KCNQ1: variants seen among roughly 807,000 people sequenced by gnomAD.
KCNQ1 encodes the protein potassium voltage-gated channel subfamily Q member 1, also known as potassium voltage-gated channel subfamily KQT member 1.
In KCNQ1, 49 loss-of-function variants were observed where a neutral mutation model predicts 72.4. That is an observed-to-expected ratio of 0.68 (90% CI 0.54 to 0.86). KCNQ1 has a LOEUF of 0.86. Ranked by LOEUF, KCNQ1 falls within the 40% of genes least tolerant of loss-of-function variation. KCNQ1 has a pLI of 0.00. For synonymous variants in KCNQ1, 450 were observed against 412.6 expected (o/e 1.09, Z -1.10); for missense variants, 790 against 945.1 (o/e 0.84, Z 2.15).
intron 15 of KCNQ1, chr11:2,840,468 A>AAATC (rs1848184231): frequency 6.6e-6 from 1 of 152,158 alleles, no homozygotes; most frequent in Non-Finnish European, 1.5e-5. Context: ...TGTAGGTCAG[A>AAATC]AATCAATCCC....
intron 1 of KCNQ1, among the ~76,000 whole-genome samples, chr11:2,448,333 C>T (rs1846074771): frequency 6.6e-6 from 1 of 152,236 alleles, no homozygotes; most frequent in South Asian, 2.1e-4. Context: ...ACAGCCTTGG[C>T]TTTCCCTGTT....
chr11:2,686,390 CA>C, intron 11 of KCNQ1: 1 of 398,702 alleles, frequency 2.5e-6, no homozygotes, highest in Admixed American at 4.4e-5. Context: ...CAGGGTACCC[CA>C]ACCCCTGACT....
intron 1 of KCNQ1, among the ~76,000 whole-genome samples, chr11:2,503,000 A>G (rs1847041845): frequency 1.3e-5 from 2 of 152,220 alleles, no homozygotes; most frequent in African/African-American, 4.8e-5. Context: ...GAATGAAACT[A>G]GACCCCTATC....
chr11:2,586,237 G>A (rs529183250), intron 8 of KCNQ1, among the ~76,000 whole-genome samples: 56 of 152,292 alleles, frequency 3.7e-4, no homozygotes, highest in African/African-American at 1.2e-3. Flanking sequence ...GCTGGCTGGC[G>A]TCCCCCCTGC....
chr11:2,605,979 T>C (rs1848872472), intron 10 of KCNQ1, among the ~76,000 whole-genome samples: 3 of 152,260 alleles, frequency 2.0e-5, no homozygotes, highest in Admixed American at 2.0e-4. Context: ...TTTCAGAGGA[T>C]AAGTTTTGTA....
chr11:2,609,533 G>C (rs1020665578), intron 10 of KCNQ1: 3 of 398,124 alleles, frequency 7.5e-6, no homozygotes, highest in African/African-American at 2.1e-5. Flanking sequence ...ATTACCTTTT[G>C]AGTCTAGTTG....
intron 1 of KCNQ1, among the ~76,000 whole-genome samples, chr11:2,506,317 T>A (rs1847105176): frequency 6.6e-6 from 1 of 152,242 alleles, no homozygotes; most frequent in South Asian, 2.1e-4. Flanking sequence ...ACGTGAACTT[T>A]TTGAATTTGC....
At chr11:2,629,051 C>CTA in intron 10 of KCNQ1, 3 of 398,152 alleles carry the variant, frequency 7.5e-6, no homozygotes, top group Non-Finnish European at 1.3e-5. Flanking sequence ...TCTTATTGCT[C>CTA]AAGTATGCTT....
rs1848231913 is a variant in KCNQ1 at position 2,565,304 on chromosome 11, G to A, written c.478-5324G>A. Among the ~76,000 whole-genome samples, 1 of 152,068 alleles carries A rather than the reference G, an allele frequency of 6.6e-6. No homozygotes were observed. The highest frequency in any genetic ancestry group is 1.5e-5 in the Non-Finnish European group (1 of 68,016). On this transcript the variant is annotated intron_variant, in intron 2 of 15. Coordinates refer to ENST00000155840, the MANE Select transcript of KCNQ1 (RefSeq NM_000218.3). The surrounding 1 kb of genome is among the most constrained non-coding windows in gnomAD (Gnocchi z 5.6). Reference sequence around the variant, plus strand: ...AGCACTTGTCACTCTGTTTGGGGTGGCAGCCACCCTAATGGATGAGAGGTG... The same window carrying A: ...AGCACTTGTCACTCTGTTTGGGGTGACAGCCACCCTAATGGATGAGAGGTG...
rs911717090 is a variant in KCNQ1 at position 2,642,808 on chromosome 11, A to G, written c.1394-19153A>G. 1 of 397,814 alleles carries G rather than the reference A, an allele frequency of 2.5e-6. No homozygotes were observed. Among genetic ancestry groups the G allele is most frequent in the Non-Finnish European group, 4.4e-6 (1 of 225,682 alleles). The allele number at this position is 397,814 out of a possible 1,614,324, so 24.6% of individuals were successfully genotyped here. A position where few individuals can be genotyped will look rare whatever the true frequency, so the allele number is the denominator to read the frequency against. On this transcript the variant is annotated intron_variant, in intron 10 of 15. Coordinates refer to ENST00000155840, the MANE Select transcript of KCNQ1 (RefSeq NM_000218.3). This position sits in a 1 kb window ranked among gnomAD's most constrained non-coding sequence, Gnocchi z 4.3. The stretch of plus-strand genomic sequence containing the variant: ...TTAATGGAGGCATTTATTACAATAA[A>G]CTTTCCTCTTAGCATTGCTTTTGCA...
At position 2,752,738 on chromosome 11, in the gene KCNQ1, T is replaced by A. The variant is rs539340133; in HGVS notation, c.1515-16106T>A. Among the ~76,000 whole-genome samples, 7 of 152,192 alleles carry A rather than the reference T, an allele frequency of 4.6e-5. No homozygotes were observed. Among genetic ancestry groups the A allele is most frequent in the African/African-American group, 1.7e-4 (7 of 41,448 alleles). ...CGCCATCTCCTAACACCATCAGGGCTGCGGGTTAGCTTTCGACATAGGGAC... is the reference window on the plus strand; with the variant it reads ...CGCCATCTCCTAACACCATCAGGGCAGCGGGTTAGCTTTCGACATAGGGAC... On this transcript the variant is annotated intron_variant, in intron 11 of 15. Coordinates refer to ENST00000155840, the MANE Select transcript of KCNQ1 (RefSeq NM_000218.3). The surrounding 1 kb of genome is among the most constrained non-coding windows in gnomAD (Gnocchi z 5.2).
chr11:2,624,113 A>G lies in KCNQ1; in HGVS notation c.1393+35259A>G, dbSNP rs1395001310. The G allele has an allele frequency of 2.5e-6, 1 of 398,462 alleles. No individual in the cohort carries two copies. The allele number at this position is 398,462 out of a possible 1,614,324, so 24.7% of individuals were successfully genotyped here. A position where few individuals can be genotyped will look rare whatever the true frequency, so the allele number is the denominator to read the frequency against. On this transcript the variant is annotated intron_variant, in intron 10 of 15. Transcript: ENST00000155840. This position sits in a 1 kb window ranked among gnomAD's most constrained non-coding sequence, Gnocchi z 4.9. ...AGTGTTTTGAATTTTGGCCATTCTA[A>G]TAAGCGTGTAGATATATCACATTTC...
At chr11:2,675,205 C>T (rs1850270837) in intron 11 of KCNQ1, 1 of 398,476 alleles carries the variant, frequency 2.5e-6, no homozygotes, top group Non-Finnish European at 4.4e-6. Flanking sequence ...AATATTGTGT[C>T]ATTTCCCCAG....
rs542660240 is a variant in KCNQ1, at chr11:2,482,389, G to A, written c.386+36905G>A. 2.6e-5 allele frequency among the ~76,000 whole-genome samples: 4 copies of A among 152,250 alleles called. No individual in the cohort carries two copies. The highest frequency in any genetic ancestry group is 4.8e-5 in the African/African-American group (2 of 41,536). ...TGGCATTTCCCCTGTGTTATTGAACGTAATCAACTCTCTATTGACGGCTGG... is the reference window on the plus strand; with the variant it reads ...TGGCATTTCCCCTGTGTTATTGAACATAATCAACTCTCTATTGACGGCTGG... On this transcript the variant is annotated intron_variant, in intron 1 of 15. Transcript: ENST00000155840. This position sits in a 1 kb window ranked among gnomAD's most constrained non-coding sequence, Gnocchi z 5.7.
chr11:2,494,948 G>T lies in KCNQ1; in HGVS notation c.387-32980G>T, dbSNP rs1310802514. ...CCTCTTTGTGCCTCTGGTAGAATTT[G>T]GGTGTGAATCCGTCTGGTCCTGGGC... On this transcript the variant is annotated intron_variant, in intron 1 of 15. Transcript: ENST00000155840. The surrounding 1 kb of genome is among the most constrained non-coding windows in gnomAD (Gnocchi z 4.6). 6.6e-6 allele frequency among the ~76,000 whole-genome samples: 1 copy of T among 152,168 alleles called. No individual in the cohort carries two copies. The highest frequency in any genetic ancestry group is 1.5e-5 in the Non-Finnish European group (1 of 68,032).
rs771920423 is a variant in KCNQ1 at position 2,482,015 on chromosome 11, C to T, written c.386+36531C>T. The stretch of plus-strand genomic sequence containing the variant: ...CTGGTCCCAAAAAGGTTGGGGACCA[C>T]GGCCATCGGCTGTTTGCTTTATGAA... On this transcript the variant is annotated intron_variant, in intron 1 of 15. Coordinates refer to ENST00000155840, the MANE Select transcript of KCNQ1 (RefSeq NM_000218.3). The surrounding 1 kb of genome is among the most constrained non-coding windows in gnomAD (Gnocchi z 5.7). Among the ~76,000 whole-genome samples, 8 of 152,176 alleles carry T rather than the reference C, an allele frequency of 5.3e-5. No individual in the cohort carries two copies. The highest frequency in any genetic ancestry group is 7.3e-5 in the Non-Finnish European group (5 of 68,038).
At position 2,564,323 on chromosome 11, in the gene KCNQ1, G is replaced by T. The variant is rs911544582; in HGVS notation, c.478-6305G>T. Among the ~76,000 whole-genome samples, 1 of 152,218 alleles carries T rather than the reference G, an allele frequency of 6.6e-6. No homozygotes were observed. Among genetic ancestry groups the T allele is most frequent in the Non-Finnish European group, 1.5e-5 (1 of 68,042 alleles). On this transcript the variant is annotated intron_variant, in intron 2 of 15. Coordinates refer to ENST00000155840, the MANE Select transcript of KCNQ1 (RefSeq NM_000218.3). The surrounding 1 kb of genome is among the most constrained non-coding windows in gnomAD (Gnocchi z 4.5). ...ATGGTGAAATATAAGGCCAGGCGCGGTGACTCATGCCTGCAATCCCAGCAC... is the reference window on the plus strand; with the variant it reads ...ATGGTGAAATATAAGGCCAGGCGCGTTGACTCATGCCTGCAATCCCAGCAC...
At chr11:2,650,879 G>T (rs1200474280) in intron 10 of KCNQ1, 4 of 398,528 alleles carry the variant, frequency 1.0e-5, no homozygotes, top group African/African-American at 6.2e-5. Context: ...AGTCAGAGGG[G>T]ATGAGGAGCA....
chr11:2,793,746 A>C (rs1214680514), intron 15 of KCNQ1, among the ~76,000 whole-genome samples: 1 of 152,232 alleles, frequency 6.6e-6, no homozygotes, highest in Non-Finnish European at 1.5e-5. Context: ...CACTGTGGGC[A>C]TTTATTCATT....
Sources: allele counts gnomAD v4.1 joint callset (sites outside exome capture counted in the v4.1 genomes callset), GRCh38; gene constraint gnomAD v4.1.1; non-coding constraint Gnocchi (gnomAD v3.1); transcripts MANE v1.5; gene names NCBI Gene and HGNC (gene_info 2026-07-23, HGNC 2026-07-21).